Variants in ADIPOR2 observed in about 807,000 individuals in gnomAD.
ADIPOR2 encodes adiponectin receptor 2.
In ADIPOR2, 18 loss-of-function variants were observed where a neutral mutation model predicts 40.9. The ratio of observed to expected loss-of-function variants is 0.44; its 90% CI spans 0.30 to 0.65. ADIPOR2 has a LOEUF of 0.65. ADIPOR2 is among the 30% of genes least tolerant of loss of function. The probability of loss-of-function intolerance (pLI) is 0.09; values close to 1 mark genes in which losing one functional copy is unlikely to be tolerated. For synonymous variants in ADIPOR2, 165 were observed against 166.4 expected (o/e 0.99, Z 0.06); for missense variants, 283 against 479.2 (o/e 0.59, Z 3.82).
chr12:1,729,635 T>A (rs1411980433), intron 1 of ADIPOR2, among the ~76,000 whole-genome samples: 2 of 45,614 alleles, frequency 4.4e-5, no homozygotes, highest in Admixed American at 8.3e-4. Context: ...TTTTTTTTTT[T>A]TTTTTTGAGT....
At chr12:1,745,792 A>G (rs988078510) in intron 1 of ADIPOR2, among the ~76,000 whole-genome samples, 3 of 152,168 alleles carry the variant, frequency 2.0e-5, no homozygotes, top group Admixed American at 2.0e-4. Context: ...TTTTCAAACC[A>G]ATGTCTTATC....
chr12:1,719,991 A>G (rs1045144101), intron 1 of ADIPOR2, among the ~76,000 whole-genome samples: 11 of 151,936 alleles, frequency 7.2e-5, no homozygotes, highest in Non-Finnish European at 1.6e-4. Flanking sequence ...TTCATCCCAG[A>G]CCATGCTTGG....
chr12:1,767,269 CAAAAAAAA>C (rs61401998), intron 2 of ADIPOR2, among the ~76,000 whole-genome samples: 13 of 87,468 alleles, frequency 1.5e-4, no homozygotes, highest in African/African-American at 4.2e-4. Flanking sequence ...AAGACTTCGT[CAAAAAAAA>C]AAAAAAAAAA....
At chr12:1,720,099 A>G (rs113484133) in intron 1 of ADIPOR2, among the ~76,000 whole-genome samples, 17 of 152,224 alleles carry the variant, frequency 1.1e-4, no homozygotes, top group East Asian at 3.8e-4. Context: ...GATAAATGCA[A>G]TAAGTTGTGA....
intron 1 of ADIPOR2, among the ~76,000 whole-genome samples, chr12:1,724,831 C>T (rs2094704655): frequency 6.6e-6 from 1 of 152,084 alleles, no homozygotes; most frequent in African/African-American, 2.4e-5. Flanking sequence ...GCTGGGACTA[C>T]AGGTGTACGC....
chr12:1,701,558 T>A (rs1592570702), intron 1 of ADIPOR2, among the ~76,000 whole-genome samples: 1 of 152,202 alleles, frequency 6.6e-6, no homozygotes, highest in Non-Finnish European at 1.5e-5. Flanking sequence ...TTCATGAAAA[T>A]TTTTTTGATT....
intron 2 of ADIPOR2, among the ~76,000 whole-genome samples, 185 bp downstream of exon 2, chr12:1,754,699 TTAC>T (rs59598626): frequency 0.031 from 3,181 of 103,492 alleles, 55 homozygotes; most frequent in African/African-American, 0.072. Flanking sequence ...ATTATTATTA[TTAC>T]TACTACTACT....
intron 2 of ADIPOR2, among the ~76,000 whole-genome samples, chr12:1,764,799 C>G (rs917937059): frequency 1.1e-4 from 17 of 152,066 alleles, no homozygotes; most frequent in Non-Finnish European, 2.4e-4. Flanking sequence ...TCCATATGTA[C>G]TCTTGTATCT....
At chr12:1,702,560 A>G (rs773191505) in intron 1 of ADIPOR2, among the ~76,000 whole-genome samples, 24 of 152,254 alleles carry the variant, frequency 1.6e-4, no homozygotes, top group Non-Finnish European at 3.5e-4. Context: ...TATGTTTTCA[A>G]ATGTTAGATG....
chr12:1,742,771 G>A (rs1259476544), intron 1 of ADIPOR2, among the ~76,000 whole-genome samples: 1 of 152,174 alleles, frequency 6.6e-6, no homozygotes, highest in Non-Finnish European at 1.5e-5. Context: ...CAGAATAGAT[G>A]TAATTTTAAA....
In ADIPOR2 at chr12:1,769,819, G is replaced by C. The variant is rs190868238; in HGVS notation, c.172-3023G>C. 2.7e-3 allele frequency among the ~76,000 whole-genome samples: 411 copies of C among 152,204 alleles called. 4 individuals are homozygous for C. Among genetic ancestry groups the C allele is most frequent in the African/African-American group, 9.4e-3 (391 of 41,516 alleles). On this transcript the variant is annotated intron_variant, in intron 2 of 7. Transcript: ENST00000357103. ...GGCCTCCCAAAGTGCTGGGATTACA[G>C]ATGTGCGACACTGTGCCTGGCCGGA...
chr12:1,737,195 G>C (rs1430267053), intron 1 of ADIPOR2, among the ~76,000 whole-genome samples: 2 of 152,204 alleles, frequency 1.3e-5, no homozygotes, highest in Non-Finnish European at 2.9e-5. Flanking sequence ...AATTATTGCT[G>C]TTTGAAATTG....
chr12:1,751,880 GAA>G (rs982924599), intron 1 of ADIPOR2, among the ~76,000 whole-genome samples: 2 of 151,492 alleles, frequency 1.3e-5, no homozygotes, highest in African/African-American at 2.4e-5. Context: ...TCCTGCTGAT[GAA>G]AAGTTTGGTG....
intron 1 of ADIPOR2, among the ~76,000 whole-genome samples, chr12:1,723,698 A>C (rs1422534780): frequency 6.6e-6 from 1 of 152,080 alleles, no homozygotes; most frequent in Non-Finnish European, 1.5e-5. Flanking sequence ...ATTTTAAAAA[A>C]ACTGCAAAAA....
chr12:1,745,993 T>C (rs2094754121), intron 1 of ADIPOR2, among the ~76,000 whole-genome samples: 1 of 152,260 alleles, frequency 6.6e-6, no homozygotes, highest in South Asian at 2.1e-4. Context: ...AAAATAAAAA[T>C]AAGTCTTCTT....
intron 1 of ADIPOR2, among the ~76,000 whole-genome samples, chr12:1,714,689 C>T (rs1203627815): frequency 6.6e-6 from 1 of 152,126 alleles, no homozygotes; most frequent in African/African-American, 2.4e-5. Flanking sequence ...GAATGGCTTG[C>T]TGACCAGTAG....
chr12:1,757,457 C>G, intron 2 of ADIPOR2: 1 of 722,380 alleles, frequency 1.4e-6, no homozygotes. Context: ...CAGTTCTTCC[C>G]AGGTTAGCAC....
intron 1 of ADIPOR2, among the ~76,000 whole-genome samples, chr12:1,728,271 C>T (rs1186243057): frequency 6.6e-6 from 1 of 151,832 alleles, no homozygotes; most frequent in Non-Finnish European, 1.5e-5. Flanking sequence ...TGCCACCACG[C>T]CCGGCTAATT....
intron 1 of ADIPOR2, among the ~76,000 whole-genome samples, chr12:1,715,659 C>G (rs2094686019): frequency 6.6e-6 from 1 of 152,170 alleles, no homozygotes; most frequent in African/African-American, 2.4e-5. Context: ...TCGCCCAATT[C>G]CTAGCAGCAG....
Sources: allele counts gnomAD v4.1 joint callset (sites outside exome capture counted in the v4.1 genomes callset), GRCh38; gene constraint gnomAD v4.1.1; transcripts MANE v1.5; gene names NCBI Gene and HGNC (gene_info 2026-07-23, HGNC 2026-07-21).